The following SPMIP6 variants were observed in gnomAD, a reference collection of about 807,000 sequenced individuals.
SPMIP6 encodes ciliated bronchial epithelial protein 1.
At chr9:34,390,239 A>G in the SPMIP6 span, among the ~76,000 whole-genome samples, 1 of 152,166 alleles carries the variant, frequency 6.6e-6, no homozygotes, top group Non-Finnish European at 1.5e-5. Flanking sequence ...AATGCTTCTA[A>G]CAGTTAATCA....
At chr9:34,387,738 A>ATAAAAGCT in the SPMIP6 span, among the ~76,000 whole-genome samples, 1 of 152,214 alleles carries the variant, frequency 6.6e-6, no homozygotes, top group African/African-American at 2.4e-5. Flanking sequence ...GTAGGAGATT[A>ATAAAAGCT]TAAAAGCTTA....
chr9:34,381,919 G>C, the SPMIP6 span, among the ~76,000 whole-genome samples: 4 of 152,170 alleles, frequency 2.6e-5, no homozygotes, highest in Non-Finnish European at 4.4e-5. The surrounding 1 kb of genome is among the most constrained non-coding windows in gnomAD (Gnocchi z 4.4). Context: ...GTCCTCTCAG[G>C]TGCCCTTGAG....
the SPMIP6 span, chr9:34,381,072 T>C: frequency 6.2e-7 from 1 of 1,611,548 alleles, no homozygotes; most frequent in Non-Finnish European, 8.5e-7. The surrounding 1 kb of genome is among the most constrained non-coding windows in gnomAD (Gnocchi z 4.4). Flanking sequence ...CGGGGCGTGA[T>C]CCGCGGCAGC....
chr9:34,385,535 CA>C, the SPMIP6 span: 31,190 of 291,630 alleles, frequency 0.11, 2 homozygotes, highest in East Asian at 0.13. Flanking sequence ...AACTCCGTCT[CA>C]AAAAAAAAAA....
chr9:34,393,701 T>C, the SPMIP6 span, among the ~76,000 whole-genome samples: 1 of 152,152 alleles, frequency 6.6e-6, no homozygotes, highest in African/African-American at 2.4e-5. Context: ...GAGATTCCCA[T>C]TAGATGTTTG....
At chr9:34,397,423 T>C in the SPMIP6 span, 1 of 1,477,736 alleles carries the variant, frequency 6.8e-7, no homozygotes, top group African/African-American at 1.4e-5. Context: ...CTACAAATCA[T>C]TACAAACATA....
the SPMIP6 span, among the ~76,000 whole-genome samples, chr9:34,391,136 C>G: frequency 3.3e-5 from 5 of 152,158 alleles, no homozygotes; most frequent in African/African-American, 1.2e-4. Flanking sequence ...TAGGAGCATT[C>G]AGATTTTTTC....
chr9:34,381,314 G>A, the SPMIP6 span: 2 of 1,610,270 alleles, frequency 1.2e-6, no homozygotes, highest in Non-Finnish European at 1.7e-6. The surrounding 1 kb of genome is among the most constrained non-coding windows in gnomAD (Gnocchi z 4.4). Flanking sequence ...CCTCCTCCCG[G>A]CCTTCCCCAA....
At chr9:34,385,362 T>C in the SPMIP6 span, among the ~76,000 whole-genome samples, 1 of 151,730 alleles carries the variant, frequency 6.6e-6, no homozygotes, top group Non-Finnish European at 1.5e-5. Context: ...TGAAACCCCA[T>C]CTCTACTGAA....
chr9:34,385,400 C>T, the SPMIP6 span, among the ~76,000 whole-genome samples: 1 of 151,844 alleles, frequency 6.6e-6, no homozygotes, highest in African/African-American at 2.4e-5. Flanking sequence ...GGCCTGGTGG[C>T]ACATGCCTGT....
At chr9:34,389,538 C>A in the SPMIP6 span, among the ~76,000 whole-genome samples, 1 of 152,108 alleles carries the variant, frequency 6.6e-6, no homozygotes, top group Non-Finnish European at 1.5e-5. Flanking sequence ...CACTACCATG[C>A]CCTGCCAATT....
At chr9:34,393,234 GT>G in the SPMIP6 span, among the ~76,000 whole-genome samples, 4 of 152,038 alleles carry the variant, frequency 2.6e-5, no homozygotes, top group Admixed American at 1.3e-4. Context: ...TAATATTTTA[GT>G]TCTTCCTTTA....
At chr9:34,390,809 C>T in the SPMIP6 span, among the ~76,000 whole-genome samples, 6 of 151,672 alleles carry the variant, frequency 4.0e-5, no homozygotes, top group African/African-American at 1.2e-4. Flanking sequence ...TTTGTAGAGA[C>T]GGGGGTCTCA....
chr9:34,394,993 C>T, the SPMIP6 span, among the ~76,000 whole-genome samples: 14 of 147,288 alleles, frequency 9.5e-5, no homozygotes, highest in Admixed American at 8.2e-4. Context: ...AGAGACAGGG[C>T]CTCGCTCTGT....
At chr9:34,397,641 T>C in the SPMIP6 span, 1 of 1,587,320 alleles carries the variant, frequency 6.3e-7, no homozygotes, top group East Asian at 2.3e-5. Context: ...CATGGTGTGG[T>C]CTTGGAGATG....
the SPMIP6 span, chr9:34,381,656 G>A: frequency 2.1e-6 from 3 of 1,419,454 alleles, no homozygotes; most frequent in South Asian, 4.5e-5. This position sits in a 1 kb window ranked among gnomAD's most constrained non-coding sequence, Gnocchi z 4.4. Flanking sequence ...AAGGGCTGAA[G>A]GTGGATGGGG....
At chr9:34,385,535 C>CAG in the SPMIP6 span, 1 of 260,586 alleles carries the variant, frequency 3.8e-6, no homozygotes, top group African/African-American at 9.0e-5. Context: ...AACTCCGTCT[C>CAG]AAAAAAAAAA....
chr9:34,380,582 CG>C, the SPMIP6 span: 1 of 1,401,884 alleles, frequency 7.1e-7, no homozygotes, highest in Non-Finnish European at 9.4e-7. Flanking sequence ...GACTGATGTG[CG>C]GGGTTTCTTC....
the SPMIP6 span, chr9:34,379,260 C>T: frequency 4.7e-6 from 4 of 849,654 alleles, no homozygotes; most frequent in Non-Finnish European, 8.1e-6. The surrounding 1 kb of genome is among the most constrained non-coding windows in gnomAD (Gnocchi z 4.2). Flanking sequence ...CAATGCTAAC[C>T]TTATCCCTAC....
Sources: allele counts gnomAD v4.1 joint callset (sites outside exome capture counted in the v4.1 genomes callset), GRCh38; gene constraint gnomAD v4.1.1; non-coding constraint Gnocchi (gnomAD v3.1); transcripts MANE v1.5; gene names NCBI Gene and HGNC (gene_info 2026-07-23, HGNC 2026-07-21).